PDZK1: variants seen among roughly 807,000 people sequenced by gnomAD.
PDZK1 encodes PDZ domain containing 1, also known as Na(+)/H(+) exchange regulatory cofactor NHE-RF3.
In PDZK1, 23 loss-of-function variants were observed where a neutral mutation model predicts 38.1. That is an observed-to-expected ratio of 0.60 (90% CI 0.43 to 0.85). The LOEUF is 0.85. Among genes scored for constraint, PDZK1 ranks in the 40% least tolerant of loss-of-function variants. The probability of loss-of-function intolerance (pLI) is 0.00; values close to 1 mark genes in which losing one functional copy is unlikely to be tolerated. For synonymous variants in PDZK1, 98 were observed against 186.2 expected, an observed-to-expected ratio of 0.53 and a Z score of 3.86; for missense variants, 297 against 504.3, an observed-to-expected ratio of 0.59 and a Z score of 3.94.
intron 1 of PDZK1, among the ~76,000 whole-genome samples, chr1:145,702,780 C>G (rs1656036172): frequency 6.6e-6 from 1 of 152,128 alleles, no homozygotes; most frequent in African/African-American, 2.4e-5. Flanking sequence ...GTAGTCCAAG[C>G]TACTCGGGAG....
rs1559066643 is a variant in PDZK1, at chr1:145,682,597, C to A, written c.500G>T (p.Gly167Val). ...GVYMTDITPQ[G>V]VAMRAGVLAD... ...CAGAACTCCAGCTCTCATAGCCACA[C>A]CTTGAGGTGTAATATCAGTCATGTA... Residue 167 changes from glycine (G) to valine (V), a missense_variant, in exon 4 of 9, where the codon GGT becomes GTT. Gly to Val is a moderately radical substitution (Grantham distance 109, BLOSUM62 -3). Transcript: ENST00000417171. 1.2e-6 allele frequency: 2 copies of A among 1,611,804 alleles called. No homozygotes were observed. The highest frequency in any genetic ancestry group is 1.7e-6 in the Non-Finnish European group (2 of 1,179,826).
chr1:145,702,416 G>A (rs2101937897), intron 1 of PDZK1, among the ~76,000 whole-genome samples: 1 of 152,164 alleles, frequency 6.6e-6, no homozygotes, highest in Non-Finnish European at 1.5e-5. Context: ...ACCGCCTTGA[G>A]TGCCAGCTGA....
intron 1 of PDZK1, among the ~76,000 whole-genome samples, chr1:145,698,110 G>A (rs587728723): frequency 6.6e-6 from 1 of 152,168 alleles, no homozygotes; most frequent in South Asian, 2.1e-4. Flanking sequence ...TCTCTCCTAC[G>A]AAGTAGCTGA....
intron 1 of PDZK1, among the ~76,000 whole-genome samples, chr1:145,705,519 C>T (rs1656195822): frequency 6.6e-6 from 1 of 152,112 alleles, no homozygotes; most frequent in Non-Finnish European, 1.5e-5. Flanking sequence ...TGACAAGGAG[C>T]TACCCTTCAA....
At chr1:145,671,644 TA>T in intron 8 of PDZK1, 155 bp from the exon 9 acceptor site, 1 of 546,386 alleles carries the variant, frequency 1.8e-6, no homozygotes, top group East Asian at 3.3e-5. Flanking sequence ...GTAGAGCTGA[TA>T]AATCAAGTAA....
At chr1:145,706,145 T>A (rs1293172518) in intron 1 of PDZK1, among the ~76,000 whole-genome samples, 3 of 152,204 alleles carry the variant, frequency 2.0e-5, no homozygotes, top group Non-Finnish European at 4.4e-5. Context: ...GAGGCTCCAG[T>A]TGGCTAAGTA....
intron 6 of PDZK1, among the ~76,000 whole-genome samples, chr1:145,675,606 A>G (rs1571576110): frequency 6.6e-6 from 1 of 151,228 alleles, no homozygotes; most frequent in Non-Finnish European, 1.5e-5. Context: ...AATATGGAAA[A>G]TTATCAGGTG....
intron 6 of PDZK1, among the ~76,000 whole-genome samples, chr1:145,674,684 G>A (rs1426204728): frequency 9.9e-5 from 15 of 152,158 alleles, no homozygotes; most frequent in Non-Finnish European, 2.1e-4. Context: ...TGCCAGTAAT[G>A]TGGCTCAGTC....
chr1:145,693,534 C>T (rs782201242), intron 1 of PDZK1, among the ~76,000 whole-genome samples: 142 of 135,802 alleles, frequency 1.0e-3, no homozygotes, highest in Non-Finnish European at 7.5e-4. Context: ...TTTGGGAGGC[C>T]GAGGCCGAGG....
Position 145,673,121 on chromosome 1 carries a change from A to AAT in PDZK1, c.1216-103_1216-102dup. 4.0e-6 allele frequency: 4 copies of AAT among 1,005,808 alleles called. No homozygotes were observed. In the Admixed American group the frequency reaches 7.9e-5, roughly 20 times the overall value. The allele number at this position is 1,005,808 out of a possible 1,614,324, so 62.3% of individuals were successfully genotyped here. A position where few individuals can be genotyped will look rare whatever the true frequency, so the allele number is the denominator to read the frequency against. ...ATGAGGAGCTCAAGAATTTATTTTT[A>AAT]ATCATGTTATTATTTCTCCTTGAGG... On this transcript the variant is annotated intron_variant, in intron 7 of 8. Transcript: ENST00000417171.
intron 1 of PDZK1, chr1:145,691,907 G>GCAGACA (rs1655258734): frequency 2.0e-5 from 3 of 152,248 alleles, no homozygotes; most frequent in East Asian, 3.8e-4. Flanking sequence ...GTTTATCTGT[G>GCAGACA]GGAAAGAGAA....
intron 1 of PDZK1, among the ~76,000 whole-genome samples, chr1:145,697,639 C>A (rs1571635400): frequency 6.6e-6 from 1 of 152,074 alleles, no homozygotes; most frequent in East Asian, 1.9e-4. Context: ...GCTCTGTCAC[C>A]CAGGCTGGAG....
chr1:145,684,382 G>A (rs1273198508), intron 3 of PDZK1, among the ~76,000 whole-genome samples: 1 of 151,806 alleles, frequency 6.6e-6, no homozygotes, highest in Non-Finnish European at 1.5e-5. Flanking sequence ...CTAATTTTTT[G>A]TATTTTTAGT....
chr1:145,699,750 C>G (rs1553704728), intron 1 of PDZK1, among the ~76,000 whole-genome samples: 1 of 152,132 alleles, frequency 6.6e-6, no homozygotes. Context: ...TCCATCTTCC[C>G]CCAGGATCGA....
At chr1:145,705,712 T>C (rs1048636704) in intron 1 of PDZK1, among the ~76,000 whole-genome samples, 18 of 152,294 alleles carry the variant, frequency 1.2e-4, no homozygotes, top group African/African-American at 4.3e-4. Flanking sequence ...GATATACACA[T>C]TTGAAATCTA....
At chr1:145,702,552 G>A (rs1362891623) in intron 1 of PDZK1, among the ~76,000 whole-genome samples, 1 of 151,786 alleles carries the variant, frequency 6.6e-6, no homozygotes, top group African/African-American at 2.4e-5. Flanking sequence ...TTCTAACCCT[G>A]GTTTTATTAT....
At chr1:145,688,116 C>T (rs1258779335) in intron 1 of PDZK1, 93 bp from the exon 2 acceptor site, 1 of 1,098,058 alleles carries the variant, frequency 9.1e-7, no homozygotes, top group Non-Finnish European at 1.4e-6. Context: ...TTCTGTTCTT[C>T]CAATCACCAA....
intron 6 of PDZK1, chr1:145,676,166 G>C: frequency 1.0e-6 from 1 of 984,784 alleles, no homozygotes; most frequent in Non-Finnish European, 1.2e-6. Context: ...ACTTTGGAGA[G>C]CGGGGAAGGA....
At chr1:145,679,591 C>T (rs1654034938) in intron 5 of PDZK1, among the ~76,000 whole-genome samples, 2 of 152,042 alleles carry the variant, frequency 1.3e-5, no homozygotes, top group South Asian at 4.1e-4. Context: ...GTGCACATTC[C>T]TAACCAAGTC....
Sources: gnomAD v4.1 joint callset for allele counts (sites outside exome capture counted in the v4.1 genomes callset) on GRCh38, gnomAD v4.1.1 for gene constraint, MANE v1.5 for transcripts, NCBI Gene and HGNC (gene_info 2026-07-23, HGNC 2026-07-21) for gene names.